GRID2: variants seen among roughly 807,000 people sequenced by gnomAD.
The protein encoded by GRID2 is glutamate ionotropic receptor delta type subunit 2.
Under a neutral mutation model 114.8 loss-of-function variants are expected in GRID2, and 33 were observed. The ratio of observed to expected loss-of-function variants is 0.29; its 90% CI spans 0.22 to 0.38. The LOEUF (loss-of-function observed/expected upper bound fraction) is 0.38, where lower values mean the gene tolerates loss of function less well. GRID2 is among the 10% of genes least tolerant of loss of function. The pLI, the probability that GRID2 is intolerant of heterozygous loss-of-function variation, is 1.00. For missense variants in GRID2, 1,184 were observed against 1,257.7 expected, an observed-to-expected ratio of 0.94 and a Z score of 0.89; for synonymous variants, 505 against 449.9, an observed-to-expected ratio of 1.12 and a Z score of -1.55.
intron 4 of GRID2, among the ~76,000 whole-genome samples, chr4:93,140,160 C>CTTTTTT (rs10684978): frequency 8.6e-5 from 11 of 128,260 alleles, no homozygotes; most frequent in Non-Finnish European, 1.3e-4. Flanking sequence ...CTTTTCTTTT[C>CTTTTTT]TTTTTTTTTT....
intron 3 of GRID2, among the ~76,000 whole-genome samples, chr4:93,103,844 T>TC (rs1031289341): frequency 6.6e-6 from 1 of 151,682 alleles, no homozygotes; most frequent in Non-Finnish European, 1.5e-5. Flanking sequence ...TCCCTTGTTT[T>TC]TTTTTTTTGT....
At chr4:92,773,503 C>T (rs574910027) in intron 2 of GRID2, among the ~76,000 whole-genome samples, 1 of 152,216 alleles carries the variant, frequency 6.6e-6, no homozygotes, top group African/African-American at 2.4e-5. Flanking sequence ...TTTGAAGATA[C>T]TTCTTTGCTA....
intron 1 of GRID2, among the ~76,000 whole-genome samples, chr4:92,588,472 C>G (rs1007070441): frequency 5.3e-5 from 8 of 151,216 alleles, no homozygotes; most frequent in Admixed American, 4.6e-4. Context: ...GTCAGGAGAT[C>G]GAAACCATCC....
intron 13 of GRID2, among the ~76,000 whole-genome samples, chr4:93,534,573 C>T (rs905187034): frequency 1.3e-5 from 2 of 151,894 alleles, no homozygotes; most frequent in Admixed American, 1.3e-4. Context: ...CTTATAGGTG[C>T]CTAAAAGATA....
intron 15 of GRID2, 130 bp from the exon 16 acceptor site, chr4:93,771,946 T>C (rs1734142368): frequency 6.4e-6 from 4 of 621,642 alleles, no homozygotes; most frequent in Admixed American, 5.7e-5. Flanking sequence ...TACTAGGTGC[T>C]CAATAAATAT....
At chr4:93,234,773 A>T (rs553507674) in intron 7 of GRID2, among the ~76,000 whole-genome samples, 2 of 151,948 alleles carry the variant, frequency 1.3e-5, no homozygotes, top group Non-Finnish European at 2.9e-5. Flanking sequence ...CTGATGAAAC[A>T]TGAAGGCATC....
intron 2 of GRID2, among the ~76,000 whole-genome samples, chr4:93,021,672 A>G (rs1449081878): frequency 6.9e-6 from 1 of 144,748 alleles, no homozygotes; most frequent in African/African-American, 2.5e-5. Context: ...TGTATACTAT[A>G]AATATAATTA....
intron 14 of GRID2, among the ~76,000 whole-genome samples, chr4:93,696,598 C>A (rs547776053): frequency 2.7e-4 from 41 of 152,282 alleles, no homozygotes; most frequent in African/African-American, 9.6e-4. Flanking sequence ...TACATGTGCA[C>A]AACCTGCAGG....
chr4:92,545,189 G>C (rs1221529527), intron 1 of GRID2, among the ~76,000 whole-genome samples: 1 of 148,404 alleles, frequency 6.7e-6, no homozygotes, highest in Admixed American at 6.9e-5. Context: ...TTTTCAATTT[G>C]CTATGTCAGC....
chr4:93,786,780 T>C (rs1160432910), intron 1 of GRID2, among the ~76,000 whole-genome samples: 1 of 152,208 alleles, frequency 6.6e-6, no homozygotes, highest in Non-Finnish European at 1.5e-5. Flanking sequence ...GGTCATTACA[T>C]TATTTTGGCC....
chr4:92,375,587 A>G (rs985677026), intron 1 of GRID2, among the ~76,000 whole-genome samples: 35 of 152,210 alleles, frequency 2.3e-4, no homozygotes, highest in African/African-American at 8.2e-4. Flanking sequence ...AAGTGAGAGA[A>G]AAGGAGAAAC....
At chr4:92,479,489 A>C (rs775562969) in intron 1 of GRID2, among the ~76,000 whole-genome samples, 12 of 152,180 alleles carry the variant, frequency 7.9e-5, no homozygotes, top group Admixed American at 2.0e-4. Context: ...TAGCATTTTC[A>C]ATACCTCCGT....
chr4:93,378,535 T>C (rs533474122), intron 8 of GRID2, among the ~76,000 whole-genome samples: 3 of 152,104 alleles, frequency 2.0e-5, no homozygotes, highest in Non-Finnish European at 4.4e-5. Context: ...TAAACCACAA[T>C]TATAATAAAA....
At chr4:93,751,881 C>T (rs539221228) in intron 14 of GRID2, among the ~76,000 whole-genome samples, 21 of 152,268 alleles carry the variant, frequency 1.4e-4, no homozygotes, top group African/African-American at 5.1e-4. Flanking sequence ...CCTAGGCTTT[C>T]CACAACTGCC....
intron 2 of GRID2, among the ~76,000 whole-genome samples, chr4:92,793,954 A>G (rs1215604599): frequency 6.6e-6 from 1 of 151,896 alleles, no homozygotes; most frequent in Non-Finnish European, 1.5e-5. Context: ...TCAATTGGTT[A>G]CTGCACAAAT....
intron 2 of GRID2, among the ~76,000 whole-genome samples, chr4:92,755,076 C>G (rs139567009): frequency 1.3e-5 from 2 of 152,250 alleles, no homozygotes; most frequent in East Asian, 3.9e-4. Context: ...TGTCTAAAGA[C>G]AGTCCATGAG....
intron 6 of GRID2, among the ~76,000 whole-genome samples, chr4:93,220,235 T>C (rs1340212590): frequency 6.6e-6 from 1 of 151,816 alleles, no homozygotes; most frequent in Non-Finnish European, 1.5e-5. Context: ...ACTAAGCCTT[T>C]ATTTATATAT....
rs562048055 is a variant in GRID2, at chr4:93,607,597, A to G, written c.2194-18672A>G. 2.0e-5 allele frequency among the ~76,000 whole-genome samples: 3 copies of G among 152,242 alleles called. No homozygotes were observed. In the South Asian group the frequency reaches 6.2e-4, roughly 32 times the overall value. The stretch of plus-strand genomic sequence containing the variant: ...CCAAAAGACATCTATGTATTTTTTA[A>G]TTTGAATAGATGTTGCTTTTGAAAA... On this transcript the variant is annotated intron_variant, in intron 13 of 15. Transcript: ENST00000282020.
chr4:93,062,434 T>C (rs1172274002), intron 2 of GRID2, among the ~76,000 whole-genome samples: 1 of 152,170 alleles, frequency 6.6e-6, no homozygotes, highest in Non-Finnish European at 1.5e-5. Context: ...TTATCTCTTA[T>C]ATAATGTCTT....
Sources: gnomAD v4.1 joint callset for allele counts (sites outside exome capture counted in the v4.1 genomes callset) on GRCh38, gnomAD v4.1.1 for gene constraint, MANE v1.5 for transcripts, NCBI Gene and HGNC (gene_info 2026-07-23, HGNC 2026-07-21) for gene names.